RNF207: variants seen among roughly 807,000 people sequenced by gnomAD.
RNF207 encodes OTTHUMG00000001089.
In RNF207, 72 loss-of-function variants were observed where a neutral mutation model predicts 79.0. The observed-to-expected ratio is 0.91, with a 90% CI of 0.75 to 1.11. The LOEUF (loss-of-function observed/expected upper bound fraction) is 1.11, where lower values mean the gene tolerates loss of function less well. Ranked by LOEUF, RNF207 falls within the 50% of genes least tolerant of loss-of-function variation. The pLI is 0.00. For missense variants in RNF207, 936 were observed against 855.8 expected, an observed-to-expected ratio of 1.09 and a Z score of -1.17; for synonymous variants, 348 against 366.2, an observed-to-expected ratio of 0.95 and a Z score of 0.57.
At position 6,211,243 on chromosome 1, in the gene RNF207, C is replaced by G. The variant is rs1384846617; in HGVS notation, c.1109+125C>G. ...CCACCATTCCTTCCTCCGTCCTTAG[C>G]TCGCCACCCTCCCAGCAGGGTGTCT... On this transcript the variant is annotated intron_variant, in intron 12 of 17. Coordinates refer to ENST00000377939, the MANE Select transcript of RNF207 (RefSeq NM_207396.3). The surrounding 1 kb of genome is among the most constrained non-coding windows in gnomAD (Gnocchi z 4.2). 6.1e-6 allele frequency: 4 copies of G among 659,500 alleles called. No individual in the cohort carries two copies. The highest frequency in any genetic ancestry group is 7.8e-6 in the Non-Finnish European group (3 of 383,670). 40.9% of individuals were successfully genotyped at this position (659,500 alleles called of 1,614,324 possible).
intron 16 of RNF207, among the ~76,000 whole-genome samples, chr1:6,213,824 CTG>C (rs1183545058): frequency 6.6e-6 from 1 of 152,204 alleles, no homozygotes; most frequent in African/African-American, 2.4e-5. Flanking sequence ...TGTCTCAGCA[CTG>C]TGCTCAGGTT....
In RNF207 at chr1:6,206,733, G is replaced by A. The variant is rs72853039; in HGVS notation, c.191+7G>A. 4.4e-6 allele frequency: 7 copies of A among 1,598,672 alleles called. No individual in the cohort carries two copies. The highest frequency in any genetic ancestry group is 5.9e-6 in the Non-Finnish European group (7 of 1,179,296). On this transcript the variant is annotated splice_region_variant and intron_variant, in intron 2 of 17. Transcript: ENST00000377939. ...TCACCTGCCCGCTGTGCCAGTAAGT[G>A]TCCCAAAGTTCCCCAAAACCCCCCA...
intron 10 of RNF207, 144 bp from the exon 11 acceptor site, chr1:6,210,726 C>T (rs952942915): frequency 4.2e-5 from 32 of 769,122 alleles, no homozygotes; most frequent in South Asian, 1.8e-4. Context: ...GGGGTTTGTC[C>T]GGGTGAGTCC....
chr1:6,218,927 G>A (rs1405871391), intron 17 of RNF207, among the ~76,000 whole-genome samples: 3 of 152,192 alleles, frequency 2.0e-5, no homozygotes, highest in Non-Finnish European at 4.4e-5. Flanking sequence ...TGACAGAGCA[G>A]AGTCTGGCCC....
chr1:6,212,648 C>T (rs1668222602), intron 14 of RNF207, 34 bp from the exon 15 acceptor site: 4 of 1,595,478 alleles, frequency 2.5e-6, no homozygotes, highest in Admixed American at 1.7e-5. Context: ...ATTCAGCTCA[C>T]TGCCACATCC....
At chr1:6,214,881 C>T (rs1176252351) in intron 16 of RNF207, among the ~76,000 whole-genome samples, 3 of 151,784 alleles carry the variant, frequency 2.0e-5, no homozygotes, top group Admixed American at 6.6e-5. Context: ...GTCATCTACC[C>T]GCCTCGCCCT....
chr1:6,209,856 G>A, intron 7 of RNF207, 68 bp from the exon 8 acceptor site: 6 of 1,504,712 alleles, frequency 4.0e-6, no homozygotes, highest in South Asian at 1.3e-5. Context: ...TGGGGTCCGG[G>A]GGGTAGGCAT....
chr1:6,215,846 T>C (rs1396796595), intron 16 of RNF207, among the ~76,000 whole-genome samples: 2 of 152,200 alleles, frequency 1.3e-5, no homozygotes, highest in African/African-American at 4.8e-5. Context: ...TAGGTTTCTA[T>C]CTTCCAGGCT....
intron 7 of RNF207, 111 bp downstream of exon 7, chr1:6,209,650 A>G (rs1668075637): frequency 1.3e-5 from 17 of 1,293,440 alleles, no homozygotes; most frequent in Non-Finnish European, 1.7e-5. Context: ...CCTTGCACCA[A>G]GCACTTTCCT....
In RNF207 at chr1:6,210,803, A is replaced by G. The variant is rs914457037; in HGVS notation, c.943-67A>G. On this transcript the variant is annotated intron_variant, in intron 10 of 17. Transcript: ENST00000377939. The stretch of plus-strand genomic sequence containing the variant: ...CCAAAGACAGACGTGCTCCGCCTCC[A>G]TCTCCCCTCTTCCTGCCCCCTGGCT... 5 of 1,390,688 alleles carry G rather than the reference A, an allele frequency of 3.6e-6. No homozygotes were observed. In the African/African-American group the frequency reaches 5.7e-5, roughly 16 times the overall value. The allele number at this position is 1,390,688 out of a possible 1,614,324, so 86.1% of individuals were successfully genotyped here. A position where few individuals can be genotyped will look rare whatever the true frequency, so the allele number is the denominator to read the frequency against.
At chr1:6,219,160 G>A in intron 17 of RNF207, 76 bp from the exon 18 acceptor site, 1 of 1,374,432 alleles carries the variant, frequency 7.3e-7, no homozygotes, top group East Asian at 2.3e-5. Flanking sequence ...TGAGTGCTTT[G>A]GCCCAAGTGG....
chr1:6,214,626 C>CTT lies in RNF207; in HGVS notation c.1652+1445_1652+1446dup, dbSNP rs1553148919. On this transcript the variant is annotated intron_variant, in intron 16 of 17. Coordinates refer to ENST00000377939, the MANE Select transcript of RNF207 (RefSeq NM_207396.3). ...CCAAGTTGGCCAGGCTGGAATATTTCTTTCTTTTTTTTTTTTTTTTTTTTT... is the reference window on the plus strand; with the variant it reads ...CCAAGTTGGCCAGGCTGGAATATTTCTTTTTCTTTTTTTTTTTTTTTTTTTTT... 4.2e-5 allele frequency among the ~76,000 whole-genome samples: 4 copies of CTT among 95,608 alleles called. 1 individual carries two copies. Among genetic ancestry groups the CTT allele is most frequent in the South Asian group, 3.2e-4 (1 of 3,168 alleles). 62.7% of individuals were successfully genotyped at this position (95,608 alleles called of 152,430 possible).
At position 6,210,408 on chromosome 1, in the gene RNF207, C is replaced by T. The variant is rs113445340; in HGVS notation, c.912C>T (p.Ala304=). The T allele has an allele frequency of 1.1e-5, 17 of 1,613,648 alleles. No individual in the cohort carries two copies. Among genetic ancestry groups the T allele is most frequent in the African/African-American group, 8.0e-5 (6 of 75,012 alleles). The change falls in exon 10 of 18, where the codon GCC becomes GCT. Residue 304 remains alanine (A), a synonymous_variant. Coordinates refer to ENST00000377939, the MANE Select transcript of RNF207 (RefSeq NM_207396.3). The part of the protein sequence containing the change: ...LVICSSFLSL[A]NKAEFLDLGY... ...TCTGCTCCTCCTTCCTCAGCTTGGC[C>T]AACAAGGCTGAGTTCCTGGACCTGG...
chr1:6,208,269 G>A (rs936537106), intron 3 of RNF207: 1 of 152,312 alleles, frequency 6.6e-6, no homozygotes, highest in Non-Finnish European at 1.4e-5. Context: ...TATTGAGTGT[G>A]CCAAGGGGGC....
chr1:6,210,707 G>A, intron 10 of RNF207, 163 bp from the exon 11 acceptor site: 1 of 701,456 alleles, frequency 1.4e-6, no homozygotes, highest in Admixed American at 2.2e-5. Context: ...TGGATTTGGG[G>A]ATGGGATGGG....
At position 6,206,561 on chromosome 1, in the gene RNF207, T is replaced by C; in HGVS notation, c.26T>C (p.Leu9Pro). MSGAIFGP[L>P]EGPSSLDAPS... is the part of the protein sequence containing the mutation. ...ATGTCGGGAGCTATCTTCGGGCCCC[T>C]GGAGGGCCCGAGCTCCCTGGATGCC... The change falls in exon 2 of 18, where the codon CTG (leucine) becomes CCG (proline). Residue 9 changes from leucine to proline, a missense_variant. Coordinates refer to ENST00000377939, the MANE Select transcript of RNF207 (RefSeq NM_207396.3). 6.3e-7 allele frequency: 1 copy of C among 1,593,336 alleles called. No homozygotes were observed. Among genetic ancestry groups the C allele is most frequent in the Non-Finnish European group, 8.5e-7 (1 of 1,176,338 alleles).
chr1:6,216,448 C>T (rs1056421851), intron 16 of RNF207, among the ~76,000 whole-genome samples: 5 of 152,314 alleles, frequency 3.3e-5, no homozygotes, highest in South Asian at 2.1e-4. Context: ...TCCAGGTCTG[C>T]GAGTCCACTC....
rs370628039 is a variant in RNF207, at chr1:6,217,237, G to A, written c.1653-1052G>A. Among the ~76,000 whole-genome samples the A allele has an allele frequency of 7.2e-5, 11 of 152,150 alleles. No homozygotes were observed. Among genetic ancestry groups the A allele is most frequent in the African/African-American group, 1.9e-4 (8 of 41,436 alleles). On this transcript the variant is annotated intron_variant, in intron 16 of 17. Transcript: ENST00000377939. The surrounding 1 kb of genome is among the most constrained non-coding windows in gnomAD (Gnocchi z 4.2). ...CATGCTCCTGCCAGCCTCTCCAGCCGTTCCTTCCTGGTCTCTGGCTGGCTC... is the reference window on the plus strand; with the variant it reads ...CATGCTCCTGCCAGCCTCTCCAGCCATTCCTTCCTGGTCTCTGGCTGGCTC...
chr1:6,209,910 G>A lies in RNF207; in HGVS notation c.754-14G>A, dbSNP rs773250521. The A allele has an allele frequency of 2.5e-6, 4 of 1,574,426 alleles. No homozygotes were observed. Among genetic ancestry groups the A allele is most frequent in the East Asian group, 2.3e-5 (1 of 44,230 alleles). The stretch of plus-strand genomic sequence containing the variant: ...TGGGGCGCAAATCAAGAGCATGCTC[G>A]CCATCTCTCCCAGGACAGGCTGGCA... On this transcript the variant is annotated splice_polypyrimidine_tract_variant and intron_variant, in intron 7 of 17. Transcript: ENST00000377939.
Sources: gnomAD v4.1 joint callset for allele counts (sites outside exome capture counted in the v4.1 genomes callset) on GRCh38, gnomAD v4.1.1 for gene constraint, Gnocchi (gnomAD v3.1) non-coding constraint, MANE v1.5 for transcripts, NCBI Gene and HGNC (gene_info 2026-07-23, HGNC 2026-07-21) for gene names.